Variants in CACNA1H observed in about 807,000 individuals in gnomAD.
CACNA1H encodes the protein voltage-dependent T-type calcium channel subunit alpha-1H.
Under a neutral mutation model 192.5 loss-of-function variants are expected in CACNA1H, and 149 were observed. That is an observed-to-expected ratio of 0.77 (90% CI 0.68 to 0.89). The LOEUF (loss-of-function observed/expected upper bound fraction) is 0.89. CACNA1H is among the 40% of genes least tolerant of loss of function. The pLI, the probability that CACNA1H is intolerant of heterozygous loss-of-function variation, is 0.00. For missense variants in CACNA1H, 4,257 were observed against 3,423.5 expected (o/e 1.24, Z -6.08); for synonymous variants, 2,202 against 1,475.2 (o/e 1.49, Z -11.29).
At chr16:1,216,797 A>C in intron 30 of CACNA1H, 135 bp from the exon 31 acceptor site, 2 of 608,306 alleles carry the variant, frequency 3.3e-6, no homozygotes, top group South Asian at 1.6e-5. Context: ...ACTTGCTTCC[A>C]CTTGGCCGGG....
At position 1,208,003 on chromosome 16, in the gene CACNA1H, T is replaced by C. The variant is rs746222586; in HGVS notation, c.3155-10T>C. 1 of 1,596,304 alleles carries C rather than the reference T, an allele frequency of 6.3e-7. No individual in the cohort carries two copies. The highest frequency in any genetic ancestry group is 1.7e-5 in the Admixed American group (1 of 57,776). On this transcript the variant is annotated splice_polypyrimidine_tract_variant and intron_variant, in intron 15 of 34. Transcript: ENST00000348261. ...AGCTCTAGGGGCCCATTCCTCCCTC[T>C]GTCCCGCAGAGCTGAAGATGTGTTC...
At chr16:1,200,141 C>G (rs867218320) in intron 6 of CACNA1H, 115 bp from the exon 7 acceptor site, 3 of 852,100 alleles carry the variant, frequency 3.5e-6, no homozygotes, top group Non-Finnish European at 3.6e-6. Flanking sequence ...TCCACTGGCC[C>G]TGACCCTGAT....
At chr16:1,162,646 G>GGGC (rs1963336234) in intron 2 of CACNA1H, among the ~76,000 whole-genome samples, 1 of 151,706 alleles carries the variant, frequency 6.6e-6, no homozygotes, top group African/African-American at 2.4e-5. Flanking sequence ...GAGTGGGGGG[G>GGGC]GGGGGTCCAT....
chr16:1,208,824 C>G (rs1278073544), intron 16 of CACNA1H, among the ~76,000 whole-genome samples: 3 of 152,180 alleles, frequency 2.0e-5, no homozygotes, highest in Non-Finnish European at 4.4e-5. Flanking sequence ...CAGGGCATCA[C>G]CCCCGCGAGG....
chr16:1,159,940 C>T (rs367674412), intron 2 of CACNA1H: 1 of 152,456 alleles, frequency 6.6e-6, no homozygotes, highest in African/African-American at 2.4e-5. Context: ...GGCTGAGAGC[C>T]GAGGGCGATG....
At position 1,201,735 on chromosome 16, in the gene CACNA1H, G is replaced by C; in HGVS notation, c.1285G>C (p.Glu429Gln). Residue 429 changes from glutamate (E) to glutamine (Q), a missense_variant, in exon 9 of 35, where the codon GAG becomes CAG. Physicochemically the swap from Glu to Gln is conservative, Grantham distance 29. Coordinates refer to ENST00000348261, the MANE Select transcript of CACNA1H (RefSeq NM_021098.3). ...GCAGTTCTCGGAGACGAAGCAGCGG[G>C]AGAGTCAGCTGATGCGGGAGCAGCG... ...ATQFSETKQR[E>Q]SQLMREQRAR... 6.2e-7 allele frequency: 1 copy of C among 1,610,698 alleles called. No individual in the cohort carries two copies. Among genetic ancestry groups the C allele is most frequent in the Non-Finnish European group, 8.5e-7 (1 of 1,178,988 alleles).
intron 18 of CACNA1H, 22 bp from the exon 19 acceptor site, chr16:1,210,348 T>TCCCCCCC: frequency 1.8e-5 from 5 of 277,474 alleles, no homozygotes; most frequent in Admixed American, 1.1e-4. Flanking sequence ...GCCCCACCTC[T>TCCCCCCC]CACCCGCCCC....
At chr16:1,214,150 C>T (rs1969789364) in intron 27 of CACNA1H, among the ~76,000 whole-genome samples, 1 of 152,082 alleles carries the variant, frequency 6.6e-6, no homozygotes, top group Non-Finnish European at 1.5e-5. Flanking sequence ...GAGTGTCCCA[C>T]CCAAGGAGGG....
At chr16:1,217,220 C>T (rs1311561647) in intron 31 of CACNA1H, among the ~76,000 whole-genome samples, 2 of 152,244 alleles carry the variant, frequency 1.3e-5, no homozygotes, top group African/African-American at 2.4e-5. Context: ...TGTGCCCAGG[C>T]TTGTGACACG....
Position 1,195,470 on chromosome 16 carries a change from G to T in CACNA1H, c.450G>T (p.Glu150Asp), listed in dbSNP as rs753922811. Residue 150 changes from glutamate (E) to aspartate (D), a missense_variant, in exon 4 of 35, where the codon GAG (glutamate) becomes GAT (aspartate). Transcript: ENST00000348261. ...TCATTTTCGCCTTTTTTGCGGTGGA[G>T]ATGGTCATCAAGATGGTGGCCTTGG... The part of the protein sequence containing the change: ...DAFIFAFFAV[E>D]MVIKMVALGL... 6.3e-6 allele frequency: 10 copies of T among 1,577,598 alleles called. No individual in the cohort carries two copies. The highest frequency in any genetic ancestry group is 7.7e-6 in the Non-Finnish European group (9 of 1,161,406).
chr16:1,220,103 C>A lies in CACNA1H; in HGVS notation c.6171C>A (p.Ser2057=), dbSNP rs1394038948. ...RPVTQGGSLQ[S]PPRSPRPASV... Reference sequence around the variant, plus strand: ...TGACCCAGGGGGGCTCCCTGCAGTCCCCACCACGCTCCCCACGGCCCGCCA... The same window carrying A: ...TGACCCAGGGGGGCTCCCTGCAGTCACCACCACGCTCCCCACGGCCCGCCA... The change falls in exon 35 of 35, where the codon TCC becomes TCA. Residue 2057 remains serine, a synonymous_variant. Coordinates refer to ENST00000348261, the MANE Select transcript of CACNA1H (RefSeq NM_021098.3). The A allele has an allele frequency of 4.0e-6, 6 of 1,485,246 alleles. No homozygotes were observed. Among genetic ancestry groups the A allele is most frequent in the Non-Finnish European group, 5.4e-6 (6 of 1,120,116 alleles). 92.0% of individuals were successfully genotyped at this position (1,485,246 alleles called of 1,614,324 possible).
At position 1,208,042 on chromosome 16, in the gene CACNA1H, C is replaced by A. The variant is rs765257156; in HGVS notation, c.3184C>A (p.Pro1062Thr). The A allele has an allele frequency of 1.2e-6, 2 of 1,607,440 alleles. No homozygotes were observed. The highest frequency in any genetic ancestry group is 1.7e-6 in the Non-Finnish European group (2 of 1,177,834). Residue 1062 changes from proline to threonine, a missense_variant, in exon 16 of 35, where the codon CCC becomes ACC. Pro to Thr is a conservative substitution (Grantham distance 38). Transcript: ENST00000348261. Reference sequence around the variant, plus strand: ...GAAGATGTGTTCCCTGGCCGTGACCCCCAACGGGCACCTGGAGGGACGAGG... The same window carrying A: ...GAAGATGTGTTCCCTGGCCGTGACCACCAACGGGCACCTGGAGGGACGAGG... ...ELKMCSLAVT[P>T]NGHLEGRGSL...
intron 2 of CACNA1H, among the ~76,000 whole-genome samples, chr16:1,163,194 C>A (rs990958877): frequency 1.3e-5 from 2 of 152,244 alleles, no homozygotes; most frequent in South Asian, 4.1e-4. Context: ...TCCCCCAGCT[C>A]GGCCATGGAC....
chr16:1,212,651 C>A, intron 26 of CACNA1H, 123 bp downstream of exon 26: 3 of 1,211,210 alleles, frequency 2.5e-6, no homozygotes, highest in Non-Finnish European at 2.3e-6. Flanking sequence ...AGGTGCTGGG[C>A]GTGTGGCGTG....
intron 2 of CACNA1H, among the ~76,000 whole-genome samples, chr16:1,190,498 C>T (rs991900651): frequency 6.6e-6 from 1 of 152,092 alleles, no homozygotes; most frequent in African/African-American, 2.4e-5. Context: ...CTGCTCCCCT[C>T]TCTAGGCAGA....
At chr16:1,184,005 C>G (rs1965736094) in intron 2 of CACNA1H, among the ~76,000 whole-genome samples, 1 of 152,218 alleles carries the variant, frequency 6.6e-6, no homozygotes, top group East Asian at 1.9e-4. Flanking sequence ...GGTGCTTCAT[C>G]GGATGCCAGG....
At chr16:1,191,031 G>GTT (rs1555507774) in intron 2 of CACNA1H, among the ~76,000 whole-genome samples, 2 of 142,784 alleles carry the variant, frequency 1.4e-5, no homozygotes, top group African/African-American at 5.2e-5. Context: ...CACACTCGGG[G>GTT]TCTCTGACCC....
rs549164691 is a variant in CACNA1H, at chr16:1,169,216, TGGAC to T, written c.299+15182_299+15185del. On this transcript the variant is annotated intron_variant, in intron 2 of 34. Coordinates refer to ENST00000348261, the MANE Select transcript of CACNA1H (RefSeq NM_021098.3). ...TTGCTGGGGGTCTTAGCCTGGAACG[TGGAC>T]GTGGACGTGGACGGGCTTCCTTTGC... Among the ~76,000 whole-genome samples, 750 of 151,020 alleles carry T rather than the reference TGGAC, an allele frequency of 5.0e-3. 12 individuals carry two copies. Among genetic ancestry groups the T allele is most frequent in the African/African-American group, 0.018 (711 of 40,610 alleles).
intron 24 of CACNA1H, 68 bp from the exon 25 acceptor site, chr16:1,211,878 G>A (rs1303935218): frequency 6.8e-6 from 11 of 1,607,686 alleles, no homozygotes; most frequent in African/African-American, 2.7e-5. Context: ...CTGGGGACTC[G>A]GGGGGCCATC....
Sources: gnomAD v4.1 joint callset for allele counts (sites outside exome capture counted in the v4.1 genomes callset) on GRCh38, gnomAD v4.1.1 for gene constraint, MANE v1.5 for transcripts, NCBI Gene and HGNC (gene_info 2026-07-23, HGNC 2026-07-21) for gene names.